GPC3: variants seen among roughly 807,000 people sequenced by gnomAD.
The protein encoded by GPC3 is glypican 3, also known as glypican-3.
Under a neutral mutation model 34.4 loss-of-function variants are expected in GPC3, and 3 were observed. That is an observed-to-expected ratio of 0.09 (90% CI 0.04 to 0.23). The LOEUF is 0.23. Among genes scored for constraint, GPC3 ranks in the 10% least tolerant of loss-of-function variants. GPC3 has a pLI of 1.00. For synonymous variants in GPC3, 177 were observed against 174.0 expected, an observed-to-expected ratio of 1.02 and a Z score of -0.13; for missense variants, 351 against 445.6, an observed-to-expected ratio of 0.79 and a Z score of 1.91.
chrX:133,738,227 G>A (rs2071528643), intron 3 of GPC3, among the ~76,000 whole-genome samples: 1 of 112,270 alleles, frequency 8.9e-6, no homozygotes, highest in Admixed American at 9.4e-5. Flanking sequence ...GCCTCCCAAA[G>A]TGCTGGGATT....
At position 133,801,237 on chromosome X, in the gene GPC3, T is replaced by C. The variant is rs768286547; in HGVS notation, c.338-47061A>G. Among the ~76,000 whole-genome samples the C allele has an allele frequency of 3.9e-3, 436 of 111,459 alleles. 1 individual carries two copies. The highest frequency in any genetic ancestry group is 0.013 in the African/African-American group (403 of 30,685). On this transcript the variant is annotated intron_variant, in intron 2 of 7. Coordinates refer to ENST00000370818, the MANE Select transcript of GPC3 (RefSeq NM_004484.4). ...ACGAGAAATTTCTACCACCAAGAAC[T>C]TTCCATCTGAAACAGCCATAGAAAT... is the stretch of plus-strand genomic sequence containing the variant.
chrX:133,886,349 T>A (rs1372922432), intron 2 of GPC3, among the ~76,000 whole-genome samples: 178 of 94,627 alleles, frequency 1.9e-3, no homozygotes, highest in South Asian at 7.4e-3. Flanking sequence ...GTCCCTATTT[T>A]AAAAAAAAAA....
intron 2 of GPC3, among the ~76,000 whole-genome samples, chrX:133,928,379 T>C (rs967086708): frequency 6.3e-5 from 7 of 111,916 alleles, no homozygotes; most frequent in Admixed American, 4.7e-4. Context: ...GCAATGAACA[T>C]TGGGAGTGCA....
At chrX:133,636,319 C>T (rs770972989) in intron 6 of GPC3, among the ~76,000 whole-genome samples, 3 of 111,956 alleles carry the variant, frequency 2.7e-5, no homozygotes, top group South Asian at 3.8e-4. Flanking sequence ...TCAACAGATG[C>T]GATTACCAGA....
intron 1 of GPC3, among the ~76,000 whole-genome samples, chrX:133,980,819 C>A (rs1184541615): frequency 8.9e-6 from 1 of 112,130 alleles, no homozygotes; most frequent in Non-Finnish European, 1.9e-5. Context: ...TTGTCTCATA[C>A]CAGACAAATC....
chrX:133,612,423 C>T (rs914289380), intron 6 of GPC3, among the ~76,000 whole-genome samples: 2 of 111,999 alleles, frequency 1.8e-5, no homozygotes, highest in African/African-American at 6.5e-5. Flanking sequence ...ATTTCTCGCA[C>T]CCCTCTCTCC....
intron 3 of GPC3, among the ~76,000 whole-genome samples, chrX:133,747,257 C>T (rs768562018): frequency 2.8e-4 from 31 of 111,719 alleles, no homozygotes; most frequent in Non-Finnish European, 5.1e-4. Context: ...GGAAGAGAAC[C>T]TCTTTCTCAC....
At chrX:133,624,898 T>C (rs1476865594) in intron 6 of GPC3, among the ~76,000 whole-genome samples, 2 of 111,090 alleles carry the variant, frequency 1.8e-5, no homozygotes, top group Non-Finnish European at 3.8e-5. Context: ...CTGATGAACA[T>C]TGATGCAAAA....
chrX:133,836,782 G>A (rs2075801595), intron 2 of GPC3, among the ~76,000 whole-genome samples: 1 of 111,441 alleles, frequency 9.0e-6, no homozygotes, highest in Non-Finnish European at 1.9e-5. Context: ...TGATGGTGAT[G>A]ACTATGGTGC....
intron 6 of GPC3, among the ~76,000 whole-genome samples, chrX:133,597,563 A>G (rs1383537481): frequency 1.8e-5 from 2 of 111,565 alleles, no homozygotes; most frequent in Non-Finnish European, 3.8e-5. Flanking sequence ...ATCCAGAAAG[A>G]AAAATTGCTG....
chrX:133,753,394 G>T, intron 3 of GPC3, 88 bp downstream of exon 3: 1 of 712,168 alleles, frequency 1.4e-6, no homozygotes, highest in Non-Finnish European at 2.3e-6. Flanking sequence ...TTCCAATTTT[G>T]TTCTCATTTC....
chrX:133,954,084 A>G (rs943252879), intron 1 of GPC3, among the ~76,000 whole-genome samples: 3 of 112,151 alleles, frequency 2.7e-5, no homozygotes, highest in African/African-American at 9.7e-5. Context: ...CACATACTCT[A>G]TGGTTCCGTT....
chrX:133,831,393 C>T (rs2075774515), intron 2 of GPC3, among the ~76,000 whole-genome samples: 1 of 111,850 alleles, frequency 8.9e-6, no homozygotes, highest in African/African-American at 3.3e-5. Context: ...TTTTGCATTT[C>T]TTGTGAGTCA....
intron 2 of GPC3, among the ~76,000 whole-genome samples, chrX:133,892,169 T>G (rs1046675681): frequency 8.9e-6 from 1 of 111,863 alleles, no homozygotes; most frequent in Non-Finnish European, 1.9e-5. Context: ...TCTTCTCATC[T>G]AAGACATGTT....
intron 2 of GPC3, among the ~76,000 whole-genome samples, chrX:133,919,771 G>A (rs968932786): frequency 6.4e-5 from 7 of 109,485 alleles, no homozygotes; most frequent in African/African-American, 2.3e-4. Context: ...AGGCTGCAGT[G>A]AGCCTCGACC....
At chrX:133,587,160 C>T (rs767459190) in intron 7 of GPC3, among the ~76,000 whole-genome samples, 3 of 111,714 alleles carry the variant, frequency 2.7e-5, no homozygotes, top group South Asian at 3.8e-4. Flanking sequence ...TTTTCATATA[C>T]GAATGAGAAC....
Position 133,653,710 on chromosome X carries a change from T to C in GPC3, c.1413+8020A>G, listed in dbSNP as rs778377096. On this transcript the variant is annotated intron_variant, in intron 6 of 7. Transcript: ENST00000370818. The stretch of plus-strand genomic sequence containing the variant: ...TTGTTAGGCCCAAACTTAGTTAATA[T>C]CCAAAATAAGTGATAAATAATTAGC... 2.7e-5 allele frequency among the ~76,000 whole-genome samples: 3 copies of C among 112,234 alleles called. No homozygotes were observed. In the South Asian group the frequency reaches 1.1e-3, roughly 42 times the overall value.
At chrX:133,616,896 C>T (rs982774837) in intron 6 of GPC3, among the ~76,000 whole-genome samples, 22 of 109,012 alleles carry the variant, frequency 2.0e-4, no homozygotes, top group African/African-American at 7.4e-4. Context: ...GATGGGGTTT[C>T]ACCGGGTTAG....
intron 2 of GPC3, among the ~76,000 whole-genome samples, chrX:133,830,535 G>A (rs181113712): frequency 0.012 from 1,308 of 108,507 alleles, 11 homozygotes; most frequent in Middle Eastern, 0.024. Context: ...AAAATTAGTC[G>A]GGCATGGTGG....
Sources: gnomAD v4.1 joint callset for allele counts (sites outside exome capture counted in the v4.1 genomes callset) on GRCh38, gnomAD v4.1.1 for gene constraint, MANE v1.5 for transcripts, NCBI Gene and HGNC (gene_info 2026-07-23, HGNC 2026-07-21) for gene names.